Variants in SLC4A2 observed in about 807,000 individuals in gnomAD.
SLC4A2 encodes the protein anion exchange protein 2.
SLC4A2 carries 36 observed loss-of-function variants against 115.0 expected under a neutral mutation model. That is an observed-to-expected ratio of 0.31 (90% CI 0.24 to 0.41). The LOEUF (loss-of-function observed/expected upper bound fraction) is 0.41, where lower values mean the gene tolerates loss of function less well. Among genes scored for constraint, SLC4A2 ranks in the 10% least tolerant of loss-of-function variants. SLC4A2 has a pLI of 1.00. For missense variants in SLC4A2, 1,252 were observed against 1,705.6 expected, an observed-to-expected ratio of 0.73 and a Z score of 4.68; for synonymous variants, 708 against 708.3, an observed-to-expected ratio of 1.00 and a Z score of 0.01.
At chr7:151,067,839 C>T (rs1584989239) in intron 7 of SLC4A2, 35 bp from the exon 8 acceptor site, 6 of 1,604,300 alleles carry the variant, frequency 3.7e-6, no homozygotes, top group Non-Finnish European at 5.1e-6. Flanking sequence ...GCCTCCGGCT[C>T]TGTACCCTGA....
rs754230730 is a variant in SLC4A2 at position 151,071,116 on chromosome 7, G to A, written c.1794G>A (p.Leu598=). Residue 598 remains leucine (L), a synonymous_variant, in exon 13 of 23, where the codon CTG becomes CTA. Coordinates refer to ENST00000413384, the MANE Select transcript of SLC4A2 (RefSeq NM_003040.4). The surrounding 1 kb of genome is among the most constrained non-coding windows in gnomAD (Gnocchi z 5.5). ...AAYLADERED[L]LTAINAFLDC... ...ACCTGGCTGACGAGCGGGAGGACCT[G>A]CTGACGGCCATCAACGCCTTCCTGG... is the stretch of plus-strand genomic sequence containing the variant. The A allele has an allele frequency of 4.3e-6, 7 of 1,612,616 alleles. No homozygotes were observed.
chr7:151,074,389 G>A lies in SLC4A2; in HGVS notation c.2791-10G>A, dbSNP rs1554453294. On this transcript the variant is annotated splice_polypyrimidine_tract_variant and intron_variant, in intron 17 of 22. Coordinates refer to ENST00000413384, the MANE Select transcript of SLC4A2 (RefSeq NM_003040.4). ...TGGCAGGACTCTGAGCGCTGTGCCTGCCCACTCAGATCCGGCGGGTGATTG... is the reference window on the plus strand; with the variant it reads ...TGGCAGGACTCTGAGCGCTGTGCCTACCCACTCAGATCCGGCGGGTGATTG... 5.0e-6 allele frequency: 8 copies of A among 1,613,392 alleles called. No homozygotes were observed. In the South Asian group the frequency reaches 5.5e-5, roughly 11 times the overall value.
Position 151,076,309 on chromosome 7 carries a change from C to T in SLC4A2, c.3668C>T (p.Pro1223Leu), listed in dbSNP as rs368947791. 1.4e-5 allele frequency: 22 copies of T among 1,549,024 alleles called. No homozygotes were observed. Among genetic ancestry groups the T allele is most frequent in the Non-Finnish European group, 1.7e-5 (19 of 1,145,210 alleles). The change falls in exon 23 of 23, where the codon CCG becomes CTG. Residue 1223 changes from proline to leucine, a missense_variant. Physicochemically the swap from Pro to Leu is moderately conservative, Grantham distance 98. Coordinates refer to ENST00000413384, the MANE Select transcript of SLC4A2 (RefSeq NM_003040.4). ...CAGCTGGATGCTAACGAGGCAGAGC[C>T]GGTGTTTGATGAGCGGGAGGGTGTG... Reference protein sequence around the residue: ...MKCLDANEAEPVFDEREGVDE... With the variant: ...MKCLDANEAELVFDEREGVDE...
chr7:151,063,213 A>C (rs965475518), intron 2 of SLC4A2: 3 of 100,986 alleles, frequency 3.0e-5, no homozygotes, highest in Non-Finnish European at 4.7e-5. Flanking sequence ...GGGTGGGGTG[A>C]GGGGTGGGGC....
rs1305059668 is a variant in SLC4A2 at position 151,072,069 on chromosome 7, C to T, written c.2468C>T (p.Thr823Ile). 6.2e-7 allele frequency: 1 copy of T among 1,613,994 alleles called. No homozygotes were observed. The highest frequency in any genetic ancestry group is 1.7e-5 in the Admixed American group (1 of 60,008). Residue 823 changes from threonine (T) to isoleucine (I), a missense_variant, in exon 16 of 23, where the codon ACC becomes ATC. Coordinates refer to ENST00000413384, the MANE Select transcript of SLC4A2 (RefSeq NM_003040.4). ...SFLVRFVSRF[T>I]QEIFAFLISL... ...CTGGTCCGCTTCGTCTCCCGCTTCACCCAGGAGATCTTCGCCTTCTTGATC... is the reference window on the plus strand; with the variant it reads ...CTGGTCCGCTTCGTCTCCCGCTTCATCCAGGAGATCTTCGCCTTCTTGATC...
intron 21 of SLC4A2, 39 bp from the exon 22 acceptor site, chr7:151,075,974 C>A: frequency 6.5e-7 from 1 of 1,543,954 alleles, no homozygotes; most frequent in East Asian, 2.3e-5. Flanking sequence ...CAGCAGCAGG[C>A]TAGGGAGGAA....
At chr7:151,066,464 G>T in intron 5 of SLC4A2, 53 bp from the exon 6 acceptor site, 1 of 1,456,410 alleles carries the variant, frequency 6.9e-7, no homozygotes, top group South Asian at 1.4e-5. Context: ...TGGGTGCTGG[G>T]CGTGGGGGAG....
At position 151,074,839 on chromosome 7, in the gene SLC4A2, C is replaced by A; in HGVS notation, c.3045C>A (p.Thr1015=). The A allele has an allele frequency of 1.2e-6, 2 of 1,605,918 alleles. No individual in the cohort carries two copies. The highest frequency in any genetic ancestry group is 1.7e-6 in the Non-Finnish European group (2 of 1,176,452). The change falls in exon 19 of 23, where the codon ACC becomes ACA. Residue 1015 remains threonine, a splice_region_variant and synonymous_variant. Transcript: ENST00000413384. ...TCATCTTCATGGAGACACAGATCAC[C>A]ACGTGAGTGGTCCTAGCCAAAGGGG... is the stretch of plus-strand genomic sequence containing the variant. ...FILIFMETQI[T]TLIISKKERM...
rs760461430 is a variant in SLC4A2 at position 151,064,619 on chromosome 7, G to A, written c.311G>A (p.Arg104Gln). Residue 104 changes from arginine to glutamine, a missense_variant, in exon 4 of 23, where the codon CGG becomes CAG. By Grantham distance (43) the Arg-to-Gln change is conservative (BLOSUM62 1). Coordinates refer to ENST00000413384, the MANE Select transcript of SLC4A2 (RefSeq NM_003040.4). ...CGCAAGACACCCCAGGGCCCAGGAC[G>A]GAAGCCTCGAAGGCGCCCGGGAGCC... ...RRRKTPQGPG[R>Q]KPRRRPGASP... is the part of the protein sequence containing the mutation. 8.7e-6 allele frequency: 14 copies of A among 1,613,492 alleles called. No homozygotes were observed. The highest frequency in any genetic ancestry group is 6.7e-5 in the East Asian group (3 of 44,896).
chr7:151,059,460 T>G (rs371274662), upstream of SLC4A2: 3 of 151,752 alleles, frequency 2.0e-5, no homozygotes, highest in Admixed American at 6.6e-5. The surrounding 1 kb of genome is among the most constrained non-coding windows in gnomAD (Gnocchi z 5.8). Context: ...GTGGAGAAGC[T>G]TGGGGCAGAG....
At position 151,070,167 on chromosome 7, in the gene SLC4A2, C is replaced by T; in HGVS notation, c.1284-14C>T. 6.2e-7 allele frequency: 1 copy of T among 1,614,120 alleles called. No homozygotes were observed. Among genetic ancestry groups the T allele is most frequent in the Non-Finnish European group, 8.5e-7 (1 of 1,180,030 alleles). On this transcript the variant is annotated splice_polypyrimidine_tract_variant and intron_variant, in intron 9 of 22. Transcript: ENST00000413384. ...ATTGACCCTCCTTTGCCTCACTGCC[C>T]TCTGCCCCACCAGCCACCCAAGTGA...
At chr7:151,062,947 C>G in intron 2 of SLC4A2, 1 of 1,403,184 alleles carries the variant, frequency 7.1e-7, no homozygotes, top group East Asian at 2.8e-5. Context: ...GTTCTGGCTG[C>G]TGGCACCGCT....
chr7:151,074,082 G>C lies in SLC4A2; in HGVS notation c.2579G>C (p.Ser860Thr), dbSNP rs1303656138. ...CTGCATGGCTGCTCAGCCTCCAACAGCTCAGAGGTGGACGGCGGTGAGAAC... is the reference window on the plus strand; with the variant it reads ...CTGCATGGCTGCTCAGCCTCCAACACCTCAGAGGTGGACGGCGGTGAGAAC... Reference protein sequence around the residue: ...HPLHGCSASNSSEVDGGENMT... With the variant: ...HPLHGCSASNTSEVDGGENMT... Residue 860 changes from serine to threonine, a missense_variant, in exon 17 of 23, where the codon AGC becomes ACC. Ser to Thr is a moderately conservative substitution (Grantham distance 58). Transcript: ENST00000413384. 1 of 1,606,160 alleles carries C rather than the reference G, an allele frequency of 6.2e-7. No individual in the cohort carries two copies. The highest frequency in any genetic ancestry group is 1.3e-5 in the African/African-American group (1 of 74,780).
In SLC4A2 at chr7:151,076,390, G is replaced by A. The variant is rs181011962; in HGVS notation, c.*23G>A. On this transcript the variant is annotated 3_prime_UTR_variant, in exon 23 of 23. Coordinates refer to ENST00000413384, the MANE Select transcript of SLC4A2 (RefSeq NM_003040.4). ...TAGCCGCCACCGAGGGACAGCCGAG[G>A]GACCGATGGACGAGGGGACAGGCTG... is the stretch of plus-strand genomic sequence containing the variant. 6.9e-3 allele frequency: 10,119 copies of A among 1,471,768 alleles called. 24 individuals are homozygous for A. Among genetic ancestry groups the A allele is most frequent in the Non-Finnish European group, 8.1e-3 (9,026 of 1,109,602 alleles). 91.2% of individuals were successfully genotyped at this position (1,471,768 alleles called of 1,614,324 possible).
chr7:151,064,128 C>T (rs762012312), intron 2 of SLC4A2, 74 bp from the exon 3 acceptor site: 22 of 1,514,182 alleles, frequency 1.5e-5, no homozygotes, highest in Non-Finnish European at 1.9e-5. Context: ...GTCTCTGGCA[C>T]TGGGAAGGGT....
chr7:151,071,457 C>T lies in SLC4A2; in HGVS notation c.2043C>T (p.Pro681=), dbSNP rs1797437287. 1 of 1,609,804 alleles carries T rather than the reference C, an allele frequency of 6.2e-7. No individual in the cohort carries two copies. Among genetic ancestry groups the T allele is most frequent in the African/African-American group, 1.3e-5 (1 of 74,906 alleles). Residue 681 remains proline (P), a synonymous_variant, in exon 14 of 23, where the codon CCC becomes CCT. Coordinates refer to ENST00000413384, the MANE Select transcript of SLC4A2 (RefSeq NM_003040.4). The surrounding 1 kb of genome is among the most constrained non-coding windows in gnomAD (Gnocchi z 5.5). ...ATCCCCTTCGGCGGACGGGGCGGCC[C>T]TTTGGGGGGCTGATCCGAGATGTGC... ...EDDPLRRTGR[P]FGGLIRDVRR... is the part of the protein sequence containing the mutation.
intron 2 of SLC4A2, chr7:151,063,286 G>A (rs1045007715): frequency 1.2e-5 from 12 of 980,396 alleles, no homozygotes; most frequent in Non-Finnish European, 1.7e-5. Flanking sequence ...CCTGGGGGCT[G>A]AAGGGCATCC....
chr7:151,059,461 T>C (rs1267309717), upstream of SLC4A2: 1 of 151,502 alleles, frequency 6.6e-6, no homozygotes, highest in Non-Finnish European at 1.5e-5. The surrounding 1 kb of genome is among the most constrained non-coding windows in gnomAD (Gnocchi z 5.8). Context: ...TGGAGAAGCT[T>C]GGGGCAGAGG....
Position 151,076,185 on chromosome 7 carries a change from G to A in SLC4A2, c.3644G>A (p.Cys1215Tyr), listed in dbSNP as rs1286620275. ...TRIFTDREMKCLDANEAEPVF... is the reference protein window; with the variant it reads ...TRIFTDREMKYLDANEAEPVF... ...ATCTTCACCGACCGAGAGATGAAAT[G>A]TGTAAGCCCTCCCGTCTGCCTCCCC... Residue 1215 changes from cysteine to tyrosine, a missense_variant and splice_region_variant, in exon 22 of 23, where the codon TGT becomes TAT. Cys to Tyr is a radical substitution (Grantham distance 194). Coordinates refer to ENST00000413384, the MANE Select transcript of SLC4A2 (RefSeq NM_003040.4). 6.2e-7 allele frequency: 1 copy of A among 1,611,834 alleles called. No individual in the cohort carries two copies. The highest frequency in any genetic ancestry group is 1.1e-5 in the South Asian group (1 of 91,022).
Sources: allele counts gnomAD v4.1 joint callset, GRCh38; gene constraint gnomAD v4.1.1; non-coding constraint Gnocchi (gnomAD v3.1); transcripts MANE v1.5; gene names NCBI Gene and HGNC (gene_info 2026-07-23, HGNC 2026-07-21).